COL3A1: variants seen among roughly 807,000 people sequenced by gnomAD.
COL3A1 encodes collagen alpha-1(III) chain.
In COL3A1, 46 loss-of-function variants were observed where a neutral mutation model predicts 200.9. The ratio of observed to expected loss-of-function variants is 0.23; its 90% CI spans 0.18 to 0.29. COL3A1 has a LOEUF of 0.29. Among genes scored for constraint, COL3A1 ranks in the 10% least tolerant of loss-of-function variants. COL3A1 has a pLI of 1.00. For synonymous variants in COL3A1, 650 were observed against 628.0 expected (o/e 1.03, Z -0.52); for missense variants, 1,367 against 1,917.6 (o/e 0.71, Z 5.36).
intron 22 of COL3A1, 137 bp from the exon 23 acceptor site, chr2:188,995,988 T>A (rs1021038149): frequency 3.1e-5 from 30 of 966,502 alleles, no homozygotes; most frequent in Middle Eastern, 5.5e-4. Context: ...CCTTAGATAC[T>A]TTATAGACAG....
chr2:188,996,290 G>C (rs577625790), intron 23 of COL3A1, 108 bp from the exon 24 acceptor site: 5 of 701,324 alleles, frequency 7.1e-6, no homozygotes, highest in Middle Eastern at 4.2e-4. Context: ...ATATGTATAT[G>C]TATATCTATA....
Position 188,994,930 on chromosome 2 carries a change from G to A in COL3A1, c.1455+99G>A. ...ACAGCCAATTTTTCTTAAGTTGAGT[G>A]TTCAGTGAAAATATTGTTTAAAGCA... On this transcript the variant is annotated intron_variant, in intron 20 of 50. Transcript: ENST00000304636. The surrounding 1 kb of genome is among the most constrained non-coding windows in gnomAD (Gnocchi z 4.5). 6.5e-7 allele frequency: 1 copy of A among 1,547,352 alleles called. No individual in the cohort carries two copies. The highest frequency in any genetic ancestry group is 1.1e-5 in the South Asian group (1 of 89,706).
At chr2:188,990,400 G>A in intron 10 of COL3A1, 40 bp downstream of exon 10, 1 of 1,552,298 alleles carries the variant, frequency 6.4e-7, no homozygotes, top group Non-Finnish European at 8.9e-7. Context: ...GTATTCCACT[G>A]GGCTATGTTT....
intron 32 of COL3A1, among the ~76,000 whole-genome samples, chr2:189,000,666 T>C (rs1688436474): frequency 6.6e-6 from 1 of 152,168 alleles, no homozygotes; most frequent in African/African-American, 2.4e-5. Flanking sequence ...ATGGATGGTA[T>C]CAATGTCAAT....
Position 188,997,684 on chromosome 2 carries a change from C to A in COL3A1, c.1870-16C>A, listed in dbSNP as rs749356129. The A allele has an allele frequency of 6.2e-7, 1 of 1,610,704 alleles. No homozygotes were observed. The highest frequency in any genetic ancestry group is 8.5e-7 in the Non-Finnish European group (1 of 1,176,996). On this transcript the variant is annotated splice_polypyrimidine_tract_variant and intron_variant, in intron 26 of 50. Coordinates refer to ENST00000304636, the MANE Select transcript of COL3A1 (RefSeq NM_000090.4). ...AAAGGATGTTTACAACAGAGTGTATCATTATACTTTTCTAGGGGCCTGGTG... is the reference window on the plus strand; with the variant it reads ...AAAGGATGTTTACAACAGAGTGTATAATTATACTTTTCTAGGGGCCTGGTG...
chr2:189,003,099 CATCT>C, intron 36 of COL3A1, 37 bp downstream of exon 36: 4 of 1,427,344 alleles, frequency 2.8e-6, no homozygotes, highest in East Asian at 2.5e-5. Context: ...ATCTATCTAT[CATCT>C]ATCTATCTAT....
Position 188,997,205 on chromosome 2 carries a change from G to A in COL3A1, c.1802G>A (p.Gly601Glu). 6.2e-7 allele frequency: 1 copy of A among 1,613,982 alleles called. No homozygotes were observed. The stretch of plus-strand genomic sequence containing the variant: ...AATGGAGAACGAGGTGGCCCTGGAG[G>A]ACCTGGCCCTCAGGTACGTAGCTTT... ...GKNGERGGPG[G>E]PGPQGPPGKN... Residue 601 changes from glycine to glutamate, a missense_variant, in exon 25 of 51, where the codon GGA becomes GAA. By Grantham distance (98) the Gly-to-Glu change is moderately conservative. Coordinates refer to ENST00000304636, the MANE Select transcript of COL3A1 (RefSeq NM_000090.4).
At chr2:189,011,227 G>T (rs948973751) in intron 50 of COL3A1, among the ~76,000 whole-genome samples, 12 of 152,088 alleles carry the variant, frequency 7.9e-5, no homozygotes, top group African/African-American at 2.9e-4. Context: ...AAATTTTAAA[G>T]GTTAACTTCA....
chr2:189,001,879 A>G (rs554374476), intron 34 of COL3A1, among the ~76,000 whole-genome samples: 356 of 152,320 alleles, frequency 2.3e-3, no homozygotes, highest in Non-Finnish European at 3.9e-3. Context: ...TCTTAAGCCT[A>G]TAGAATCTTT....
intron 50 of COL3A1, 59 bp from the exon 51 acceptor site, chr2:189,011,569 T>G: frequency 1.2e-6 from 2 of 1,605,288 alleles, no homozygotes; most frequent in South Asian, 1.1e-5. Context: ...ACTTGTTAAG[T>G]CAGAGTTGTC....
At chr2:188,991,321 A>G (rs1303281392) in intron 11 of COL3A1, among the ~76,000 whole-genome samples, 166 bp from the exon 12 acceptor site, 1 of 152,170 alleles carries the variant, frequency 6.6e-6, no homozygotes, top group South Asian at 2.1e-4. Context: ...TTTTAAATAC[A>G]GAAATTGAGA....
At chr2:189,006,877 T>G in intron 43 of COL3A1, 60 bp from the exon 44 acceptor site, 1 of 1,539,660 alleles carries the variant, frequency 6.5e-7, no homozygotes, top group Non-Finnish European at 9.0e-7. Flanking sequence ...AAAACGAAAT[T>G]GTGTCAACAC....
At chr2:188,988,715 A>C in intron 7 of COL3A1, 72 bp downstream of exon 7, 1 of 1,019,186 alleles carries the variant, frequency 9.8e-7, no homozygotes, top group Non-Finnish European at 1.5e-6. Context: ...TTTCTAAAAC[A>C]AGTATAGGTC....
intron 16 of COL3A1, 124 bp from the exon 17 acceptor site, chr2:188,993,914 G>A: frequency 1.2e-6 from 1 of 859,950 alleles, no homozygotes; most frequent in Non-Finnish European, 1.9e-6. Context: ...TATAGTTGGA[G>A]GATTCACTTA....
At chr2:189,004,202 T>C in intron 39 of COL3A1, 55 bp from the exon 40 acceptor site, 1 of 1,607,688 alleles carries the variant, frequency 6.2e-7, no homozygotes, top group Non-Finnish European at 8.5e-7. Flanking sequence ...CACAAATCGA[T>C]TAGAGAAAAA....
chr2:188,996,319 C>A, intron 23 of COL3A1, 79 bp from the exon 24 acceptor site: 1 of 1,069,274 alleles, frequency 9.4e-7, no homozygotes, highest in South Asian at 1.3e-5. Context: ...CACACACACA[C>A]ACACACACAT....
At chr2:188,985,159 C>T in intron 2 of COL3A1, 38 bp from the exon 3 acceptor site, 1 of 1,595,692 alleles carries the variant, frequency 6.3e-7, no homozygotes, top group Non-Finnish European at 8.6e-7. Context: ...TATGCAAATT[C>T]TGTGTCTTGT....
chr2:189,005,245 A>G, intron 40 of COL3A1, 105 bp from the exon 41 acceptor site: 1 of 1,050,692 alleles, frequency 9.5e-7, no homozygotes, highest in Non-Finnish European at 1.5e-6. Context: ...TTCAATGAAG[A>G]TTAAATAAAA....
Position 188,996,395 on chromosome 2 carries a change from T to C in COL3A1, c.1663-3T>C. On this transcript the variant is annotated splice_region_variant and splice_polypyrimidine_tract_variant and intron_variant, in intron 23 of 50. Transcript: ENST00000304636. ...CTTTATTAATGTAATTTTTTCTTAT[T>C]AGGGAAGTCAAGGAGAAAGTGGTCG... 6.2e-7 allele frequency: 1 copy of C among 1,612,346 alleles called. No homozygotes were observed. The highest frequency in any genetic ancestry group is 8.5e-7 in the Non-Finnish European group (1 of 1,178,740).
Sources: allele counts gnomAD v4.1 joint callset (sites outside exome capture counted in the v4.1 genomes callset), GRCh38; gene constraint gnomAD v4.1.1; non-coding constraint Gnocchi (gnomAD v3.1); transcripts MANE v1.5; gene names NCBI Gene and HGNC (gene_info 2026-07-23, HGNC 2026-07-21).